WDR3: variants seen among roughly 807,000 people sequenced by gnomAD.
The protein encoded by WDR3 is WD repeat domain 3, also known as WD repeat-containing protein 3.
In WDR3, 81 loss-of-function variants were observed where a neutral mutation model predicts 123.7. The ratio of observed to expected loss-of-function variants is 0.65; its 90% confidence interval spans 0.55 to 0.79. The LOEUF is 0.79. WDR3 is among the 30% of genes least tolerant of loss of function. The pLI is 0.00. For synonymous variants in WDR3, 390 were observed against 388.8 expected (o/e 1.00, Z -0.04); for missense variants, 1,027 against 1,123.2 (o/e 0.91, Z 1.22).
chr1:117,948,247 G>T (rs921610193), intron 12 of WDR3, among the ~76,000 whole-genome samples, 158 bp from the exon 13 acceptor site: 3 of 152,148 alleles, frequency 2.0e-5, no homozygotes, highest in African/African-American at 7.2e-5. Flanking sequence ...TATTTAATCA[G>T]GTAGGAAATA....
In WDR3 at chr1:117,965,157, A is replaced by G. The variant is rs1332794364; in HGVS notation, c.*5710A>G. ...AATACAGTCATTCTTTACCTTTTGC[A>G]ATTTAGTTTTTATCCCAACCAAATT... is the stretch of plus-strand genomic sequence containing the variant. On this transcript the variant is annotated 3_prime_UTR_variant, in exon 27 of 27. Transcript: ENST00000349139. 1 of 152,204 alleles carries G rather than the reference A, an allele frequency of 6.6e-6. No individual in the cohort carries two copies. Among genetic ancestry groups the G allele is most frequent in the Non-Finnish European group, 1.5e-5 (1 of 68,030 alleles). The allele number at this position is 152,204 out of a possible 1,614,324, so 9.4% of individuals were successfully genotyped here. A position where few individuals can be genotyped will look rare whatever the true frequency, so the allele number is the denominator to read the frequency against.
chr1:117,948,267 G>T, intron 12 of WDR3, 138 bp from the exon 13 acceptor site: 1 of 663,452 alleles, frequency 1.5e-6, no homozygotes, highest in Non-Finnish European at 2.6e-6. Flanking sequence ...ACAGAACATG[G>T]AATGTGGGAT....
chr1:117,942,296 A>T, intron 9 of WDR3, 141 bp from the exon 10 acceptor site: 1 of 685,842 alleles, frequency 1.5e-6, no homozygotes, highest in Non-Finnish European at 2.6e-6. Context: ...TTGTTTAATT[A>T]TCATGGTAAT....
intron 11 of WDR3, 131 bp from the exon 12 acceptor site, chr1:117,945,955 G>A: frequency 1.9e-6 from 1 of 517,480 alleles, no homozygotes; most frequent in Non-Finnish European, 3.1e-6. Context: ...TTGTGTGTGA[G>A]TCAAGGGTTT....
rs936805077 is a variant in WDR3 at position 117,962,204 on chromosome 1, A to G, written c.*2757A>G. On this transcript the variant is annotated 3_prime_UTR_variant, in exon 27 of 27. Coordinates refer to ENST00000349139, the MANE Select transcript of WDR3 (RefSeq NM_006784.3). The stretch of plus-strand genomic sequence containing the variant: ...CTAATCGAAGAGAAGGAGAACTTTT[A>G]TGATAAAGTGACATGTACAGAACCT... The G allele has an allele frequency of 2.0e-5, 3 of 152,188 alleles. No homozygotes were observed. Among genetic ancestry groups the G allele is most frequent in the African/African-American group, 7.2e-5 (3 of 41,442 alleles). 9.4% of individuals were successfully genotyped at this position (152,188 alleles called of 1,614,324 possible). A position where few individuals can be genotyped will look rare whatever the true frequency, so the allele number is the denominator to read the frequency against.
At chr1:117,944,797 G>A (rs748671845) in intron 11 of WDR3, among the ~76,000 whole-genome samples, 3 of 152,154 alleles carry the variant, frequency 2.0e-5, no homozygotes, top group Non-Finnish European at 4.4e-5. Flanking sequence ...CACCTCCTGG[G>A]TTCAAGTGGT....
At chr1:117,953,844 C>T in intron 21 of WDR3, 163 bp from the exon 22 acceptor site, 2 of 647,692 alleles carry the variant, frequency 3.1e-6, no homozygotes, top group Non-Finnish European at 2.6e-6. Flanking sequence ...AATAAGAAAA[C>T]CAAAAATGTC....
chr1:117,941,922 T>C, intron 9 of WDR3, 75 bp downstream of exon 9: 1 of 1,476,082 alleles, frequency 6.8e-7, no homozygotes, highest in African/African-American at 1.5e-5. Context: ...AAAACTGGCT[T>C]CTTTCATATT....
chr1:117,945,353 G>C (rs917683547), intron 11 of WDR3, among the ~76,000 whole-genome samples: 2 of 152,104 alleles, frequency 1.3e-5, no homozygotes, highest in African/African-American at 4.8e-5. Flanking sequence ...TCCTTCAACA[G>C]AACAAGAATG....
Position 117,960,500 on chromosome 1 carries a change from A to G in WDR3, c.*1053A>G, listed in dbSNP as rs1652924315. The G allele has an allele frequency of 6.6e-6, 1 of 152,240 alleles. No individual in the cohort carries two copies. Among genetic ancestry groups the G allele is most frequent in the Non-Finnish European group, 1.5e-5 (1 of 68,070 alleles). 9.4% of individuals were successfully genotyped at this position (152,240 alleles called of 1,614,324 possible). ...CAGGCAACCACAGCCGCAGACCTCA[A>G]TCTGTGGTACTTATCAAGCATCAGC... is the stretch of plus-strand genomic sequence containing the variant. On this transcript the variant is annotated 3_prime_UTR_variant, in exon 27 of 27. Transcript: ENST00000349139.
intron 25 of WDR3, 62 bp downstream of exon 25, chr1:117,957,258 A>G: frequency 6.5e-7 from 1 of 1,543,244 alleles, no homozygotes. Context: ...TAGTACCTTA[A>G]CTGAAGCTGT....
At chr1:117,956,409 A>G (rs1200008499) in intron 24 of WDR3, among the ~76,000 whole-genome samples, 1 of 152,242 alleles carries the variant, frequency 6.6e-6, no homozygotes, top group East Asian at 1.9e-4. Context: ...CTACATATAT[A>G]TTCCTTACAA....
chr1:117,938,451 A>G (rs767440208), intron 4 of WDR3, 29 bp from the exon 5 acceptor site: 10 of 1,589,270 alleles, frequency 6.3e-6, no homozygotes, highest in South Asian at 4.4e-5. Context: ...TAAACAGGCT[A>G]TATATTTTTT....
rs775648059 is a variant in WDR3 at position 117,952,063 on chromosome 1, G to A, written c.1891G>A (p.Ala631Thr). 1 of 1,613,116 alleles carries A rather than the reference G, an allele frequency of 6.2e-7. No homozygotes were observed. Among genetic ancestry groups the A allele is most frequent in the Non-Finnish European group, 8.5e-7 (1 of 1,179,376 alleles). The part of the protein sequence containing the change: ...DFGDCHKSLF[A>T]HDDSVMYLQF... ...TGGGGACTGCCACAAGTCTCTCTTT[G>A]CACATGATGACAGGTATGTATAGTC... Residue 631 changes from alanine to threonine, a missense_variant, in exon 17 of 27, where the codon GCA becomes ACA. Physicochemically the swap from Ala to Thr is moderately conservative, Grantham distance 58. Coordinates refer to ENST00000349139, the MANE Select transcript of WDR3 (RefSeq NM_006784.3).
intron 3 of WDR3, among the ~76,000 whole-genome samples, chr1:117,935,532 A>G (rs557535638): frequency 6.6e-6 from 1 of 152,152 alleles, no homozygotes; most frequent in African/African-American, 2.4e-5. Flanking sequence ...CCTAATTAGT[A>G]TATTTTAAAG....
At chr1:117,930,910 A>C (rs897722765) in intron 1 of WDR3, among the ~76,000 whole-genome samples, 1 of 152,106 alleles carries the variant, frequency 6.6e-6, no homozygotes, top group Non-Finnish European at 1.5e-5. Flanking sequence ...TAAAATAGAG[A>C]TAGGAAGAGT....
intron 15 of WDR3, among the ~76,000 whole-genome samples, 197 bp from the exon 16 acceptor site, chr1:117,950,637 G>A (rs1428922039): frequency 6.6e-6 from 1 of 152,154 alleles, no homozygotes; most frequent in Admixed American, 6.5e-5. Context: ...CTATACTGCA[G>A]TATTCTTGGC....
Position 117,948,518 on chromosome 1 carries a change from A to G in WDR3, c.1524+12A>G. On this transcript the variant is annotated intron_variant, in intron 13 of 26. Transcript: ENST00000349139. ...TCTCTCCAGATCAGGTAACTAAACC[A>G]GATTTTAAAGCCCTGGAGTTCAGCC... The G allele has an allele frequency of 6.2e-7, 1 of 1,607,648 alleles. No individual in the cohort carries two copies. Among genetic ancestry groups the G allele is most frequent in the Non-Finnish European group, 8.5e-7 (1 of 1,175,668 alleles).
chr1:117,930,474 GA>G (rs1650670847), intron 1 of WDR3, among the ~76,000 whole-genome samples: 1 of 152,224 alleles, frequency 6.6e-6, no homozygotes, highest in Non-Finnish European at 1.5e-5. Flanking sequence ...AGCCTGACAG[GA>G]AGGTTTATTC....
Sources: allele counts gnomAD v4.1 joint callset (sites outside exome capture counted in the v4.1 genomes callset), GRCh38; gene constraint gnomAD v4.1.1; transcripts MANE v1.5; gene names NCBI Gene and HGNC (gene_info 2026-07-23, HGNC 2026-07-21).